Variants in PPP6R2 observed in about 807,000 individuals in gnomAD.
The protein encoded by PPP6R2 is serine/threonine-protein phosphatase 6 regulatory subunit 2.
A neutral mutation model predicts 100.2 loss-of-function variants in PPP6R2; 62 were observed. That is an observed-to-expected ratio of 0.62 (90% CI 0.50 to 0.76). PPP6R2 has a LOEUF of 0.76. Ranked by LOEUF, PPP6R2 falls within the 30% of genes least tolerant of loss-of-function variation. The pLI, the probability that PPP6R2 is intolerant of heterozygous loss-of-function variation, is 0.00. For missense variants in PPP6R2, 1,142 were observed against 1,276.3 expected (o/e 0.89, Z 1.60); for synonymous variants, 525 against 514.7 (o/e 1.02, Z -0.27).
intron 4 of PPP6R2, among the ~76,000 whole-genome samples, chr22:50,408,881 G>A (rs1043637558): frequency 6.6e-6 from 1 of 152,186 alleles, no homozygotes; most frequent in African/African-American, 2.4e-5. Context: ...TTGGGAGGCC[G>A]AGGCGAGTGG....
intron 11 of PPP6R2, among the ~76,000 whole-genome samples, 189 bp from the exon 12 acceptor site, chr22:50,432,076 C>T (rs773960288): frequency 6.6e-6 from 1 of 152,122 alleles, no homozygotes; most frequent in South Asian, 2.1e-4. Flanking sequence ...GTATGAGCCC[C>T]GAACCGCACC....
intron 12 of PPP6R2, among the ~76,000 whole-genome samples, chr22:50,433,998 G>A (rs2063664702): frequency 2.3e-5 from 1 of 43,896 alleles, no homozygotes; most frequent in Non-Finnish European, 4.4e-5. Context: ...GGCAGGGGCC[G>A]GGCATTTGCT....
chr22:50,337,900 CTGTGTGGTGTAGTG>C, the PPP6R2 span, among the ~76,000 whole-genome samples: 1 of 69,620 alleles, frequency 1.4e-5, no homozygotes, highest in Admixed American at 1.6e-4. Context: ...TGTGTGTGGT[CTGTGTGGTGTAGTG>C]TGTGTGGTGT....
chr22:50,352,361 T>G (rs139324277), intron 1 of PPP6R2, among the ~76,000 whole-genome samples: 1 of 152,220 alleles, frequency 6.6e-6, no homozygotes, highest in African/African-American at 2.4e-5. Context: ...TGTCATCCTT[T>G]GTAGAACTGA....
chr22:50,411,445 C>G (rs1232083389), intron 4 of PPP6R2, among the ~76,000 whole-genome samples: 1 of 150,680 alleles, frequency 6.6e-6, no homozygotes, highest in Non-Finnish European at 1.5e-5. Context: ...CAGAGCGAGA[C>G]TCTGTCTCCA....
chr22:50,395,640 A>C (rs1439755929), intron 3 of PPP6R2, among the ~76,000 whole-genome samples: 1 of 152,090 alleles, frequency 6.6e-6, no homozygotes. Context: ...GGCTCACTAG[A>C]GTCTCTGCCT....
intron 2 of PPP6R2, among the ~76,000 whole-genome samples, chr22:50,380,569 C>T (rs1044541837): frequency 1.3e-5 from 2 of 151,198 alleles, no homozygotes; most frequent in Admixed American, 6.6e-5. Flanking sequence ...CTACGTTGGC[C>T]GGGCTGATCT....
intron 3 of PPP6R2, among the ~76,000 whole-genome samples, chr22:50,404,048 T>C (rs1603249145): frequency 6.6e-6 from 1 of 151,674 alleles, no homozygotes; most frequent in African/African-American, 2.4e-5. Flanking sequence ...ACACATTTGC[T>C]GTGTGACAGG....
In PPP6R2 at chr22:50,418,949, A is replaced by G. The variant is rs1435150628; in HGVS notation, c.701A>G (p.Glu234Gly). The G allele has an allele frequency of 6.2e-7, 1 of 1,613,720 alleles. No homozygotes were observed. ...GGCAGTCAGCTGCAAGAGGCTCTGGAGCCAGACCCGCTCCTCACAGCGCTG... is the reference window on the plus strand; with the variant it reads ...GGCAGTCAGCTGCAAGAGGCTCTGGGGCCAGACCCGCTCCTCACAGCGCTG... ...DQGSQLQEAL[E>G]PDPLLTALES... Residue 234 changes from glutamate to glycine, a missense_variant, in exon 7 of 24, where the codon GAG becomes GGG. Around this residue, in one of 2 missense-constraint regions of PPP6R2, gnomAD observed 592 missense variants for 758.9 expected, o/e 0.78. Transcript: ENST00000612753.
upstream of PPP6R2, among the ~76,000 whole-genome samples, chr22:50,339,311 TGTG>T (rs1490109046): frequency 4.8e-5 from 4 of 84,068 alleles, no homozygotes; most frequent in South Asian, 1.5e-3. Context: ...TGGTGTGTGT[TGTG>T]GGTGTAGTGT....
In PPP6R2 at chr22:50,431,064, T is replaced by G. The variant is rs1185235909; in HGVS notation, c.1126-109T>G. On this transcript the variant is annotated intron_variant, in intron 10 of 23. Coordinates refer to ENST00000612753, the MANE Select transcript of PPP6R2 (RefSeq NM_001242898.2). This position sits in a 1 kb window ranked among gnomAD's most constrained non-coding sequence, Gnocchi z 4.8. ...CTTCCTAGCTACCCAGAGACTGGAC[T>G]TGTGAGGAGTTAGGACGCCACCTTT... 3.6e-6 allele frequency: 3 copies of G among 842,446 alleles called. No homozygotes were observed. The African/African-American group carries it at 5.1e-5, about 14-fold the overall frequency. The allele number at this position is 842,446 out of a possible 1,614,324, so 52.2% of individuals were successfully genotyped here.
chr22:50,422,164 C>G (rs2061425841), intron 8 of PPP6R2, 90 bp from the exon 9 acceptor site: 4 of 1,518,834 alleles, frequency 2.6e-6, no homozygotes, highest in Non-Finnish European at 3.6e-6. Flanking sequence ...TAAAAGGGCT[C>G]TTTCTGGAAG....
chr22:50,384,116 A>C (rs1375140254), intron 2 of PPP6R2, among the ~76,000 whole-genome samples: 1 of 151,522 alleles, frequency 6.6e-6, no homozygotes, highest in Non-Finnish European at 1.5e-5. Flanking sequence ...TCATTCATTT[A>C]GTAAATTCAA....
At chr22:50,442,323 G>A (rs569913007) in intron 22 of PPP6R2, among the ~76,000 whole-genome samples, 23 of 152,260 alleles carry the variant, frequency 1.5e-4, no homozygotes, top group African/African-American at 2.2e-4. Context: ...GGCTCTCCCC[G>A]CCCTGTTGAC....
Position 50,444,459 on chromosome 22 carries a change from G to A in PPP6R2, c.*212G>A, listed in dbSNP as rs979968637. On this transcript the variant is annotated 3_prime_UTR_variant, in exon 24 of 24. Transcript: ENST00000612753. ...CTCAGGTCACTCGTGCCCTGCTGGA[G>A]GACAGAGGGGCACCTCAGCCGCCCC... 7 of 581,132 alleles carry A rather than the reference G, an allele frequency of 1.2e-5. No individual in the cohort carries two copies. The highest frequency in any genetic ancestry group is 7.7e-5 in the African/African-American group (4 of 51,642). 36.0% of individuals were successfully genotyped at this position (581,132 alleles called of 1,614,324 possible).
At chr22:50,387,864 C>G (rs2054565197) in intron 2 of PPP6R2, among the ~76,000 whole-genome samples, 3 of 152,114 alleles carry the variant, frequency 2.0e-5, no homozygotes, top group Admixed American at 2.0e-4. Context: ...TGTTCTAGAG[C>G]CTTTATGTGG....
intron 1 of PPP6R2, among the ~76,000 whole-genome samples, chr22:50,370,330 A>G (rs540760871): frequency 6.6e-6 from 1 of 152,028 alleles, no homozygotes; most frequent in Non-Finnish European, 1.5e-5. Flanking sequence ...CACTGTCACC[A>G]GGGCTGGAGT....
chr22:50,429,966 C>A (rs1012876022), intron 10 of PPP6R2, among the ~76,000 whole-genome samples: 16 of 152,350 alleles, frequency 1.1e-4, no homozygotes, highest in African/African-American at 3.6e-4. Context: ...CTGTGTGGAA[C>A]GAGGAGCCCA....
At chr22:50,365,534 C>G (rs1460314496) in intron 1 of PPP6R2, among the ~76,000 whole-genome samples, 2 of 151,754 alleles carry the variant, frequency 1.3e-5, no homozygotes, top group Non-Finnish European at 2.9e-5. Flanking sequence ...AAAAAATTAG[C>G]CCGGCGTGGT....
Sources: gnomAD v4.1 joint callset for allele counts (sites outside exome capture counted in the v4.1 genomes callset) on GRCh38, gnomAD v4.1.1 for gene constraint, gnomAD v4.1.1 regional missense constraint, Gnocchi (gnomAD v3.1) non-coding constraint, MANE v1.5 for transcripts, NCBI Gene and HGNC (gene_info 2026-07-23, HGNC 2026-07-21) for gene names.